NAA60: variants seen among roughly 807,000 people sequenced by gnomAD.
NAA60 encodes the protein N-alpha-acetyltransferase 60, NatF catalytic subunit, also known as N-alpha-acetyltransferase 60.
NAA60 carries 8 observed loss-of-function variants against 26.1 expected under a neutral mutation model. The ratio of observed to expected loss-of-function variants is 0.31; its 90% confidence interval spans 0.18 to 0.55. The LOEUF (loss-of-function observed/expected upper bound fraction) is 0.55. NAA60 is among the 20% of genes least tolerant of loss of function. The pLI is 0.93. For missense variants in NAA60, 290 were observed against 311.3 expected (o/e 0.93, Z 0.51); for synonymous variants, 131 against 122.5 (o/e 1.07, Z -0.46).
intron 2 of NAA60, among the ~76,000 whole-genome samples, chr16:3,470,647 C>T (rs772552016): frequency 1.7e-4 from 25 of 150,500 alleles, no homozygotes; most frequent in Middle Eastern, 3.4e-3. Flanking sequence ...GAGGGAGCAA[C>T]GGCAGGGCAG....
Position 3,476,005 on chromosome 16 carries a change from C to T in NAA60, c.-6-217C>T, listed in dbSNP as rs149690128. ...AGCAGTGGAGGGCCTGGTTCCCCAT[C>T]CTGCCTGCCCTCCTGGGCCTGGGTC... On this transcript the variant is annotated intron_variant, in intron 2 of 7. Coordinates refer to ENST00000407558, the MANE Select transcript of NAA60 (RefSeq NM_001083601.3). Among the ~76,000 whole-genome samples, 47 of 152,378 alleles carry T rather than the reference C, an allele frequency of 3.1e-4. 1 individual carries two copies. Among genetic ancestry groups the T allele is most frequent in the Non-Finnish European group, 5.6e-4 (38 of 68,034 alleles).
intron 2 of NAA60, among the ~76,000 whole-genome samples, chr16:3,467,433 T>A (rs190542587): frequency 6.8e-4 from 103 of 152,180 alleles, no homozygotes; most frequent in African/African-American, 2.3e-3. Flanking sequence ...CTCAAGCCAT[T>A]AAGAGGGTGG....
At chr16:3,483,314 T>A (rs949730255) in intron 5 of NAA60, 49 bp from the exon 6 acceptor site, 5 of 1,409,412 alleles carry the variant, frequency 3.5e-6, no homozygotes, top group Admixed American at 2.0e-5. Context: ...CCAGTCATCC[T>A]TCCTTCCTAA....
rs188903752 is a variant in NAA60 at position 3,469,521 on chromosome 16, C to T, written c.-6-6701C>T. ...GACTTTGCCTTGCTGCTCCGCACAG[C>T]ACTGCCCTGGTACCCATCCTGTTTG... is the stretch of plus-strand genomic sequence containing the variant. On this transcript the variant is annotated intron_variant, in intron 2 of 7. Coordinates refer to ENST00000407558, the MANE Select transcript of NAA60 (RefSeq NM_001083601.3). Among the ~76,000 whole-genome samples the T allele has an allele frequency of 3.7e-5, 4 of 107,984 alleles. No individual in the cohort carries two copies. The East Asian group carries it at 1.1e-3, about 29-fold the overall frequency. The allele number at this position is 107,984 out of a possible 152,430, so 70.8% of individuals were successfully genotyped here.
At chr16:3,467,150 C>T (rs72778113) in intron 2 of NAA60, among the ~76,000 whole-genome samples, 2 of 152,114 alleles carry the variant, frequency 1.3e-5, no homozygotes, top group African/African-American at 2.4e-5. Flanking sequence ...TTAGAAGCAG[C>T]GTCTCATGCA....
At chr16:3,475,666 C>T (rs1017423069) in intron 2 of NAA60, among the ~76,000 whole-genome samples, 1 of 152,242 alleles carries the variant, frequency 6.6e-6, no homozygotes, top group Non-Finnish European at 1.5e-5. Context: ...GGAGTGTTCA[C>T]TTGCTGGGCG....
At position 3,465,279 on chromosome 16, in the gene NAA60, AAAAAG is replaced by A. The variant is rs1186589818; in HGVS notation, c.-6-10933_-6-10929del. ...GAGACTCTGTCTCAAAAAAAAAAAA[AAAAAG>A]AAAAGAAAAAAGGAAACTCATCCGA... On this transcript the variant is annotated intron_variant, in intron 2 of 7. Transcript: ENST00000407558. Among the ~76,000 whole-genome samples, 1,307 of 150,600 alleles carry A rather than the reference AAAAAG, an allele frequency of 8.7e-3. 21 individuals carry two copies. Among genetic ancestry groups the A allele is most frequent in the African/African-American group, 0.03 (1,238 of 40,918 alleles).
In NAA60 at chr16:3,484,893, G is replaced by A. The variant is rs900064798; in HGVS notation, c.*38G>A. 4 of 1,549,376 alleles carry A rather than the reference G, an allele frequency of 2.6e-6. No homozygotes were observed. The highest frequency in any genetic ancestry group is 3.5e-6 in the Non-Finnish European group (4 of 1,147,144). On this transcript the variant is annotated 3_prime_UTR_variant, in exon 7 of 8. Transcript: ENST00000407558. ...AGCCGCCACCAGGCCCCACCCTTCGGCCGCCCGCAGAGCCCGCCTTCCTGT... is the reference window on the plus strand; with the variant it reads ...AGCCGCCACCAGGCCCCACCCTTCGACCGCCCGCAGAGCCCGCCTTCCTGT...
intron 4 of NAA60, among the ~76,000 whole-genome samples, chr16:3,480,486 A>G (rs893530775): frequency 1.3e-5 from 2 of 151,272 alleles, no homozygotes; most frequent in Non-Finnish European, 2.9e-5. Flanking sequence ...AATCCCAGCT[A>G]TTTGGGAGGC....
chr16:3,457,693 C>T (rs898592499), intron 2 of NAA60, among the ~76,000 whole-genome samples: 1 of 152,238 alleles, frequency 6.6e-6, no homozygotes, highest in Admixed American at 6.5e-5. Flanking sequence ...GCTTAGGATG[C>T]GCCTGCCAGG....
Position 3,443,731 on chromosome 16 carries a change from T to C in NAA60, c.-183T>C, listed in dbSNP as rs1489601423. 3 of 1,484,730 alleles carry C rather than the reference T, an allele frequency of 2.0e-6. No individual in the cohort carries two copies. Among genetic ancestry groups the C allele is most frequent in the African/African-American group, 2.8e-5 (2 of 70,754 alleles). The allele number at this position is 1,484,730 out of a possible 1,614,324, so 92.0% of individuals were successfully genotyped here. A position where few individuals can be genotyped will look rare whatever the true frequency, so the allele number is the denominator to read the frequency against. ...GTGAGCTCCGGGCCTGTTTGCCTGCTGAAGTAGAGTCTTAGGGTGACCCCA... is the reference window on the plus strand; with the variant it reads ...GTGAGCTCCGGGCCTGTTTGCCTGCCGAAGTAGAGTCTTAGGGTGACCCCA... On this transcript the variant is annotated 5_prime_UTR_variant, in exon 1 of 8. Transcript: ENST00000407558.
intron 1 of NAA60, among the ~76,000 whole-genome samples, chr16:3,445,999 A>T (rs1220373677): frequency 6.6e-6 from 1 of 152,206 alleles, no homozygotes; most frequent in East Asian, 1.9e-4. Flanking sequence ...CAAATGCTTG[A>T]CTGTATACCC....
chr16:3,456,133 C>T (rs963276182), intron 2 of NAA60, among the ~76,000 whole-genome samples: 2 of 152,212 alleles, frequency 1.3e-5, no homozygotes, highest in Non-Finnish European at 2.9e-5. Context: ...CCCGTGGAAA[C>T]AATAGAATGT....
At chr16:3,475,192 C>T (rs1184640416) in intron 2 of NAA60, among the ~76,000 whole-genome samples, 1 of 151,488 alleles carries the variant, frequency 6.6e-6, no homozygotes, top group Non-Finnish European at 1.5e-5. Context: ...CGGGTTCAAG[C>T]GATTCTCCTG....
At position 3,476,130 on chromosome 16, in the gene NAA60, G is replaced by C. The variant is rs1319714394; in HGVS notation, c.-6-92G>C. The C allele has an allele frequency of 3.2e-6, 3 of 937,132 alleles. No individual in the cohort carries two copies. In the African/African-American group the frequency reaches 4.9e-5, roughly 15 times the overall value. The allele number at this position is 937,132 out of a possible 1,614,324, so 58.1% of individuals were successfully genotyped here. The stretch of plus-strand genomic sequence containing the variant: ...TGAGGGGTGTCCACCCGTGGGACAT[G>C]CTCCGTGCTCTTCTGTCTCGCCTGC... On this transcript the variant is annotated intron_variant, in intron 2 of 7. Transcript: ENST00000407558.
chr16:3,468,645 A>C (rs2035918956), intron 2 of NAA60, among the ~76,000 whole-genome samples: 1 of 152,246 alleles, frequency 6.6e-6, no homozygotes, highest in African/African-American at 2.4e-5. Context: ...GTTTGGGTCA[A>C]GCAGGATCAG....
intron 1 of NAA60, among the ~76,000 whole-genome samples, chr16:3,446,027 C>A (rs966399541): frequency 1.3e-5 from 2 of 152,146 alleles, no homozygotes; most frequent in African/African-American, 4.8e-5. Context: ...GTTCAAGTAA[C>A]ATGTTTTAAT....
intron 6 of NAA60, 32 bp from the exon 7 acceptor site, chr16:3,484,667 G>A (rs1018506218): frequency 1.3e-6 from 2 of 1,567,094 alleles, no homozygotes; most frequent in East Asian, 2.4e-5. Flanking sequence ...CGTGGTCAGG[G>A]CAAGTCGGAA....
chr16:3,448,615 A>G, intron 2 of NAA60, 75 bp downstream of exon 2: 1 of 1,230,662 alleles, frequency 8.1e-7, no homozygotes, highest in South Asian at 1.3e-5. Flanking sequence ...AGTGAAATCC[A>G]TTTTTGACCT....
Sources: gnomAD v4.1 joint callset for allele counts (sites outside exome capture counted in the v4.1 genomes callset) on GRCh38, gnomAD v4.1.1 for gene constraint, MANE v1.5 for transcripts, NCBI Gene and HGNC (gene_info 2026-07-23, HGNC 2026-07-21) for gene names.